Variants in GPR107 observed in about 807,000 individuals in gnomAD.
The protein encoded by GPR107 is G protein-coupled receptor 107.
A neutral mutation model predicts 75.5 loss-of-function variants in GPR107; 31 were observed. That is an observed-to-expected ratio of 0.41 (90% CI 0.31 to 0.55). The LOEUF is 0.55. Among genes scored for constraint, GPR107 ranks in the 20% least tolerant of loss-of-function variants. The probability of loss-of-function intolerance (pLI) is 0.26; values close to 1 mark genes in which losing one functional copy is unlikely to be tolerated. For synonymous variants in GPR107, 267 were observed against 251.3 expected (o/e 1.06, Z -0.59); for missense variants, 572 against 665.7 (o/e 0.86, Z 1.55).
intron 1 of GPR107, among the ~76,000 whole-genome samples, chr9:130,063,550 T>A (rs1243988597): frequency 6.6e-6 from 1 of 152,116 alleles, no homozygotes; most frequent in African/African-American, 2.4e-5. Context: ...TTTCCTATTA[T>A]TTGTTTTTCT....
chr9:130,085,520 T>C (rs953201174), intron 6 of GPR107, among the ~76,000 whole-genome samples: 1 of 152,028 alleles, frequency 6.6e-6, no homozygotes, highest in African/African-American at 2.4e-5. Flanking sequence ...ATCAAGGTAG[T>C]GAAATATCCA....
At chr9:130,134,731 A>G (rs1357117723) in intron 17 of GPR107, among the ~76,000 whole-genome samples, 2 of 152,260 alleles carry the variant, frequency 1.3e-5, no homozygotes, top group Non-Finnish European at 2.9e-5. Context: ...TGTGACAAAA[A>G]GATTCATGAT....
At chr9:130,132,849 A>G (rs1831861795) in intron 17 of GPR107, 1 of 151,180 alleles carries the variant, frequency 6.6e-6, no homozygotes, top group Admixed American at 6.6e-5. Flanking sequence ...ATACACATAT[A>G]CAATCCACAC....
At chr9:130,100,790 C>T in intron 11 of GPR107, 88 bp downstream of exon 11, 1 of 925,922 alleles carries the variant, frequency 1.1e-6, no homozygotes. Context: ...GTTAACCAGC[C>T]CTGCCCTCCT....
At chr9:130,095,275 T>C (rs1830837038) in intron 9 of GPR107, among the ~76,000 whole-genome samples, 2 of 152,202 alleles carry the variant, frequency 1.3e-5, no homozygotes, top group Admixed American at 6.5e-5. Flanking sequence ...AATCCAAACA[T>C]GAGGTGTTTA....
intron 14 of GPR107, among the ~76,000 whole-genome samples, chr9:130,120,120 G>A (rs1366415519): frequency 2.0e-5 from 3 of 152,234 alleles, no homozygotes; most frequent in Non-Finnish European, 1.5e-5. Flanking sequence ...GGAAACAACT[G>A]TGAGCTCTGC....
chr9:130,094,067 A>C (rs1830804692), intron 9 of GPR107, among the ~76,000 whole-genome samples: 1 of 151,394 alleles, frequency 6.6e-6, no homozygotes, highest in Admixed American at 6.6e-5. Flanking sequence ...TACCTGGCTC[A>C]GCTTCCCAAA....
chr9:130,135,109 A>G lies in GPR107; in HGVS notation c.1647A>G (p.Glu549=), dbSNP rs782440815. The G allele has an allele frequency of 1.3e-6, 2 of 1,574,692 alleles. No homozygotes were observed. The highest frequency in any genetic ancestry group is 2.7e-5 in the African/African-American group (2 of 73,992). ...CCGTGGAGCCCCAGGGCGAGTGGGAAGGCGCCGTGTGACAGAGCCGACCCT... is the reference window on the plus strand; with the variant it reads ...CCGTGGAGCCCCAGGGCGAGTGGGAGGGCGCCGTGTGACAGAGCCGACCCT... The part of the protein sequence containing the change: ...NGSVEPQGEW[E]GAV Residue 549 remains glutamate (E), a synonymous_variant, in exon 18 of 18, where the codon GAA becomes GAG. Transcript: ENST00000347136.
intron 14 of GPR107, among the ~76,000 whole-genome samples, chr9:130,121,309 C>T (rs1831540978): frequency 6.6e-6 from 1 of 152,146 alleles, no homozygotes; most frequent in Non-Finnish European, 1.5e-5. Context: ...CACACTAACA[C>T]TAACGATAGC....
chr9:130,055,386 G>A (rs987720216), intron 1 of GPR107, among the ~76,000 whole-genome samples: 5 of 152,022 alleles, frequency 3.3e-5, no homozygotes, highest in Non-Finnish European at 7.4e-5. Context: ...GGAGAATGGC[G>A]TGAACCTGGG....
In GPR107 at chr9:130,127,381, TTC is replaced by T. The variant is rs1270189518; in HGVS notation, c.1357-100_1357-99del. On this transcript the variant is annotated intron_variant, in intron 15 of 17. Coordinates refer to ENST00000347136, the MANE Select transcript of GPR107 (RefSeq NM_020960.5). ...GTGTCACATACTTTTCTTTGAGTGA[TTC>T]TGTTTTCTGTTTCCTAGTTCATTTG... 6 of 703,168 alleles carry T rather than the reference TTC, an allele frequency of 8.5e-6. No homozygotes were observed. The African/African-American group carries it at 8.7e-5, about 10-fold the overall frequency. 43.6% of individuals were successfully genotyped at this position (703,168 alleles called of 1,614,324 possible). A position where few individuals can be genotyped will look rare whatever the true frequency, so the allele number is the denominator to read the frequency against.
chr9:130,124,095 C>A (rs543141077), intron 14 of GPR107, among the ~76,000 whole-genome samples: 1 of 152,200 alleles, frequency 6.6e-6, no homozygotes, highest in African/African-American at 2.4e-5. Context: ...CTCCTCCCTC[C>A]CCGACAACTA....
chr9:130,114,777 T>A, intron 14 of GPR107: 1 of 756,046 alleles, frequency 1.3e-6, no homozygotes, highest in Non-Finnish European at 1.6e-6. Context: ...GAAAAGGTCT[T>A]CAGACCAAAA....
chr9:130,068,185 A>G (rs1419528965), intron 1 of GPR107, among the ~76,000 whole-genome samples: 1 of 151,856 alleles, frequency 6.6e-6, no homozygotes, highest in Non-Finnish European at 1.5e-5. Context: ...AGATGCGGTT[A>G]GAAGCCAGCT....
intron 17 of GPR107, among the ~76,000 whole-genome samples, chr9:130,134,179 C>T (rs1831897066): frequency 6.6e-6 from 1 of 152,194 alleles, no homozygotes. Flanking sequence ...CACCCAGTAT[C>T]TCTGCCTAGT....
rs1482641069 is a variant in GPR107 at position 130,135,540 on chromosome 9, T to C, written c.*419T>C. 1.3e-5 allele frequency: 2 copies of C among 159,124 alleles called. No homozygotes were observed. The highest frequency in any genetic ancestry group is 4.8e-5 in the African/African-American group (2 of 41,426). 9.9% of individuals were successfully genotyped at this position (159,124 alleles called of 1,614,324 possible). A position where few individuals can be genotyped will look rare whatever the true frequency, so the allele number is the denominator to read the frequency against. On this transcript the variant is annotated 3_prime_UTR_variant, in exon 18 of 18. Transcript: ENST00000347136. ...GGTGTCTGTCTGATGCTTTAGGAAA[T>C]GTCTACTGAGGACCCTGGGACTTAA...
At chr9:130,085,794 T>A (rs1044698237) in intron 6 of GPR107, among the ~76,000 whole-genome samples, 1 of 108,656 alleles carries the variant, frequency 9.2e-6, no homozygotes, top group Non-Finnish European at 1.9e-5. Flanking sequence ...GCAGTCTTGC[T>A]CTACCACCCA....
Position 130,135,905 on chromosome 9 carries a change from T to C in GPR107, c.*784T>C, listed in dbSNP as rs1189113970. The C allele has an allele frequency of 1.3e-5, 2 of 152,300 alleles. No homozygotes were observed. Among genetic ancestry groups the C allele is most frequent in the East Asian group, 3.8e-4 (2 of 5,200 alleles). 9.4% of individuals were successfully genotyped at this position (152,300 alleles called of 1,614,324 possible). A position where few individuals can be genotyped will look rare whatever the true frequency, so the allele number is the denominator to read the frequency against. ...GTATTTTTAAGTTCAAAAAGCATTA[T>C]CCTGTGGCGTTGCCTGGACATCCAC... On this transcript the variant is annotated 3_prime_UTR_variant, in exon 18 of 18. Coordinates refer to ENST00000347136, the MANE Select transcript of GPR107 (RefSeq NM_020960.5).
At chr9:130,130,921 C>T (rs770506223) in intron 17 of GPR107, among the ~76,000 whole-genome samples, 8 of 151,618 alleles carry the variant, frequency 5.3e-5, no homozygotes, top group Non-Finnish European at 1.0e-4. Context: ...CACTTAGGCC[C>T]AAGCCACATT....
Sources: allele counts gnomAD v4.1 joint callset (sites outside exome capture counted in the v4.1 genomes callset), GRCh38; gene constraint gnomAD v4.1.1; transcripts MANE v1.5; gene names NCBI Gene and HGNC (gene_info 2026-07-23, HGNC 2026-07-21).